Variants in ZNF28 observed in about 807,000 individuals in gnomAD.
ZNF28 encodes zinc finger protein 28, also known as zinc finger protein KOX24.
ZNF28 carries 5 observed loss-of-function variants against 7.2 expected under a neutral mutation model. The observed-to-expected ratio is 0.70, with a 90% CI of 0.36 to 1.46. The LOEUF (loss-of-function observed/expected upper bound fraction) is 1.46. Ranked by LOEUF, ZNF28 falls within the 40% of genes most tolerant of loss-of-function variation. The pLI is 0.03. For missense variants in ZNF28, 879 were observed against 866.6 expected, an observed-to-expected ratio of 1.01 and a Z score of -0.18; for synonymous variants, 288 against 292.4, an observed-to-expected ratio of 0.99 and a Z score of 0.15.
At chr19:52,818,569 C>G (rs1382935027) in intron 1 of ZNF28, among the ~76,000 whole-genome samples, 1 of 151,886 alleles carries the variant, frequency 6.6e-6, no homozygotes, top group African/African-American at 2.4e-5. Flanking sequence ...AAAAAGTAGC[C>G]GGGCTTGATG....
intron 2 of ZNF28, among the ~76,000 whole-genome samples, chr19:52,808,803 A>AC (rs1307854124): frequency 1.3e-5 from 2 of 152,108 alleles, no homozygotes; most frequent in African/African-American, 4.8e-5. Flanking sequence ...ACAAACCGAG[A>AC]CCCCATCTCA....
chr19:52,810,441 T>C (rs574000240), intron 2 of ZNF28: 2 of 1,598,866 alleles, frequency 1.3e-6, no homozygotes, highest in African/African-American at 1.3e-5. Context: ...AGGGTTTGCA[T>C]ATATAGAGTT....
At position 52,801,312 on chromosome 19, in the gene ZNF28, T is replaced by C; in HGVS notation, c.533A>G (p.Gln178Arg). Residue 178 changes from glutamine to arginine, a missense_variant, in exon 4 of 4, where the codon CAA becomes CGA. Coordinates refer to ENST00000457749, the MANE Select transcript of ZNF28 (RefSeq NM_006969.5). ...GGTTTTGGGCCTACAACAAATTCTT[T>C]GGGATGTTGAAACTGAGGAAGCATT... ...INNASSVSTS[Q>R]RICCRPKTHI... is the part of the protein sequence containing the mutation. The C allele has an allele frequency of 6.2e-7, 1 of 1,614,152 alleles. No homozygotes were observed. The highest frequency in any genetic ancestry group is 1.1e-5 in the South Asian group (1 of 91,078).
chr19:52,810,783 A>AC (rs2063012578), intron 2 of ZNF28: 3 of 495,114 alleles, frequency 6.1e-6, no homozygotes, highest in South Asian at 5.4e-5. Flanking sequence ...AAAAACCCAA[A>AC]AAAAACAGAA....
intron 3 of ZNF28, among the ~76,000 whole-genome samples, chr19:52,804,563 G>A (rs2062913043): frequency 1.3e-5 from 2 of 152,144 alleles, no homozygotes; most frequent in Non-Finnish European, 2.9e-5. Flanking sequence ...TAGAGACAGG[G>A]TTTCACCATA....
intron 2 of ZNF28, among the ~76,000 whole-genome samples, chr19:52,813,617 A>G (rs1286391593): frequency 8.9e-6 from 1 of 112,248 alleles, no homozygotes; most frequent in Non-Finnish European, 1.8e-5. Flanking sequence ...TCTACCACCC[A>G]CCCCACCCCT....
rs572056500 is a variant in ZNF28 at position 52,815,757 on chromosome 19, G to A, written c.15+2187C>T. Among the ~76,000 whole-genome samples the A allele has an allele frequency of 9.7e-5, 14 of 144,994 alleles. 1 individual carries two copies. The Admixed American group carries it at 9.7e-4, about 10-fold the overall frequency. On this transcript the variant is annotated intron_variant, in intron 2 of 3. Coordinates refer to ENST00000457749, the MANE Select transcript of ZNF28 (RefSeq NM_006969.5). ...GGAGAATGGTGTGAACCCAGGAGGC[G>A]GAGCTTGCAGTGAGCCGAGATTGCA...
In ZNF28 at chr19:52,798,403, T is replaced by C. The variant is rs931556905; in HGVS notation, c.*1285A>G. On this transcript the variant is annotated 3_prime_UTR_variant, in exon 4 of 4. Transcript: ENST00000457749. ...CTCATTTAACTGTAATGTCAATTAA[T>C]GCTTGATGGCTTGCTATACTAATGG... The C allele has an allele frequency of 2.8e-5, 11 of 388,600 alleles. No homozygotes were observed. The highest frequency in any genetic ancestry group is 2.1e-4 in the African/African-American group (10 of 47,084). 24.1% of individuals were successfully genotyped at this position (388,600 alleles called of 1,614,324 possible).
At chr19:52,820,275 G>A (rs1452162990) in intron 1 of ZNF28, among the ~76,000 whole-genome samples, 10 of 136,544 alleles carry the variant, frequency 7.3e-5, no homozygotes, top group East Asian at 2.1e-4. Context: ...CCGCCACCGC[G>A]CCCGGCTAAT....
chr19:52,807,570 G>A (rs545079122), intron 3 of ZNF28, among the ~76,000 whole-genome samples: 1 of 152,258 alleles, frequency 6.6e-6, no homozygotes, highest in East Asian at 1.9e-4. Flanking sequence ...GGCCTCCTGG[G>A]TTCAAGTAAT....
Position 52,800,215 on chromosome 19 carries a change from G to A in ZNF28, c.1630C>T (p.Leu544Phe), listed in dbSNP as rs2062845364. Residue 544 changes from leucine (L) to phenylalanine (F), a missense_variant, in exon 4 of 4, where the codon CTT becomes TTT. Leu to Phe is a conservative substitution (Grantham distance 22). Transcript: ENST00000457749. The part of the protein sequence containing the change: ...TKANLACHHK[L>F]HTAEKPYKCE... ...TTGTACGGTTTCTCTGCAGTATGAA[G>A]TTTATGATGACATGCAAGGTTTGCT... 1 of 1,613,104 alleles carries A rather than the reference G, an allele frequency of 6.2e-7. No homozygotes were observed. The highest frequency in any genetic ancestry group is 8.5e-7 in the Non-Finnish European group (1 of 1,179,810).
intron 2 of ZNF28, chr19:52,810,350 A>T (rs1343781552): frequency 6.2e-7 from 1 of 1,604,442 alleles, no homozygotes; most frequent in Non-Finnish European, 8.5e-7. Flanking sequence ...CAACAGCAGA[A>T]GAGCTGGAAG....
rs1380531786 is a variant in ZNF28 at position 52,801,142 on chromosome 19, T to A, written c.703A>T (p.Ile235Leu). Reference protein sequence around the residue: ...NCSSLLKKHQITHLEEKQCKC... With the variant: ...NCSSLLKKHQLTHLEEKQCKC... The stretch of plus-strand genomic sequence containing the variant: ...CATTGTTTCTCTTCTAAGTGGGTTA[T>A]CTGATGTTTTTTTAAAAGTGAGCTA... The change falls in exon 4 of 4, where the codon ATA becomes TTA. Residue 235 changes from isoleucine to leucine, a missense_variant. Coordinates refer to ENST00000457749, the MANE Select transcript of ZNF28 (RefSeq NM_006969.5). 3 of 1,614,144 alleles carry A rather than the reference T, an allele frequency of 1.9e-6. No individual in the cohort carries two copies. The highest frequency in any genetic ancestry group is 1.7e-5 in the Admixed American group (1 of 60,020).
chr19:52,800,458 C>T lies in ZNF28; in HGVS notation c.1387G>A (p.Ala463Thr). The T allele has an allele frequency of 1.9e-6, 3 of 1,613,546 alleles. No individual in the cohort carries two copies. The highest frequency in any genetic ancestry group is 2.5e-6 in the Non-Finnish European group (3 of 1,179,838). The change falls in exon 4 of 4, where the codon GCA becomes ACA. Residue 463 changes from alanine (A) to threonine (T), a missense_variant. Physicochemically the swap from Ala to Thr is moderately conservative, Grantham distance 58. Transcript: ENST00000457749. ...TLARHHRLHT[A>T]EKPYKCEECD... ...TCTTCACATTTGTATGGTTTCTCTG[C>T]AGTATGAAGTCTATGATGGCGTGCA...
rs60135815 is a variant in ZNF28, at chr19:52,814,595, GA to G, written c.15+3348del. ...GACAACCGAGACTTTGTCTCAAAAAGAAAAAAAAAAGCTGGGCGAGGTGGCT... is the reference window on the plus strand; with the variant it reads ...GACAACCGAGACTTTGTCTCAAAAAGAAAAAAAAAGCTGGGCGAGGTGGCT... On this transcript the variant is annotated intron_variant, in intron 2 of 3. Coordinates refer to ENST00000457749, the MANE Select transcript of ZNF28 (RefSeq NM_006969.5). 9.4e-4 allele frequency among the ~76,000 whole-genome samples: 129 copies of G among 136,802 alleles called. 17 individuals carry two copies. The highest frequency in any genetic ancestry group is 3.4e-3 in the African/African-American group (117 of 34,350). The allele number at this position is 136,802 out of a possible 152,430, so 89.7% of individuals were successfully genotyped here. A position where few individuals can be genotyped will look rare whatever the true frequency, so the allele number is the denominator to read the frequency against.
intron 2 of ZNF28, among the ~76,000 whole-genome samples, chr19:52,811,891 G>A (rs1023605450): frequency 7.5e-6 from 1 of 134,068 alleles, no homozygotes; most frequent in Non-Finnish European, 1.6e-5. Flanking sequence ...GGGAGGTGGG[G>A]GGGACAGCCC....
At chr19:52,809,049 C>G (rs1397966731) in intron 2 of ZNF28, among the ~76,000 whole-genome samples, 1 of 151,936 alleles carries the variant, frequency 6.6e-6, no homozygotes, top group African/African-American at 2.4e-5. Flanking sequence ...TATATATGTA[C>G]ATATATGAAG....
At position 52,798,249 on chromosome 19, in the gene ZNF28, C is replaced by G; in HGVS notation, c.*1439G>C. ...TCTTAACCTCCAGTGACCTACCAGT[C>G]TTGGCCTCTCAAAGTGCTGGCATTG... is the stretch of plus-strand genomic sequence containing the variant. On this transcript the variant is annotated 3_prime_UTR_variant, in exon 4 of 4. Coordinates refer to ENST00000457749, the MANE Select transcript of ZNF28 (RefSeq NM_006969.5). 5.5e-6 allele frequency: 1 copy of G among 180,540 alleles called. No individual in the cohort carries two copies. Among genetic ancestry groups the G allele is most frequent in the Non-Finnish European group, 1.2e-5 (1 of 86,556 alleles). 11.2% of individuals were successfully genotyped at this position (180,540 alleles called of 1,614,324 possible). A position where few individuals can be genotyped will look rare whatever the true frequency, so the allele number is the denominator to read the frequency against.
chr19:52,816,995 C>T (rs2063134170), intron 2 of ZNF28, among the ~76,000 whole-genome samples: 2 of 152,018 alleles, frequency 1.3e-5, no homozygotes, highest in African/African-American at 2.4e-5. Flanking sequence ...CACAGTAACA[C>T]CATAGTCTCC....
Sources: allele counts gnomAD v4.1 joint callset (sites outside exome capture counted in the v4.1 genomes callset), GRCh38; gene constraint gnomAD v4.1.1; transcripts MANE v1.5; gene names NCBI Gene and HGNC (gene_info 2026-07-23, HGNC 2026-07-21).